NOS1AP: variants seen among roughly 807,000 people sequenced by gnomAD.
The protein encoded by NOS1AP is nitric oxide synthase 1 adaptor protein.
NOS1AP carries 21 observed loss-of-function variants against 56.2 expected under a neutral mutation model. The observed-to-expected ratio is 0.37, with a 90% CI of 0.26 to 0.54. The LOEUF is 0.54. Among genes scored for constraint, NOS1AP ranks in the 20% least tolerant of loss-of-function variants. The probability of loss-of-function intolerance (pLI) is 0.84; values close to 1 mark genes in which losing one functional copy is unlikely to be tolerated. For synonymous variants in NOS1AP, 270 were observed against 274.6 expected (o/e 0.98, Z 0.17); for missense variants, 522 against 657.8 (o/e 0.79, Z 2.26).
At chr1:162,240,073 C>T (rs997122425) in intron 2 of NOS1AP, among the ~76,000 whole-genome samples, 1 of 152,160 alleles carries the variant, frequency 6.6e-6, no homozygotes, top group Non-Finnish European at 1.5e-5. Context: ...CCACCTGCCA[C>T]GCTAGAGACA....
intron 1 of NOS1AP, 145 bp from the exon 2 acceptor site, chr1:162,154,260 G>A (rs549274002): frequency 1.8e-4 from 125 of 686,658 alleles, no homozygotes; most frequent in Non-Finnish European, 2.9e-4. Context: ...GTTAGAAACA[G>A]ACTCAAAACA....
At chr1:162,147,154 C>T (rs1649497396) in intron 1 of NOS1AP, among the ~76,000 whole-genome samples, 2 of 151,912 alleles carry the variant, frequency 1.3e-5, no homozygotes, top group South Asian at 4.2e-4. Context: ...ATGGTGAAAC[C>T]CTGTCTCTAT....
chr1:162,086,343 G>A (rs549233997), intron 1 of NOS1AP, among the ~76,000 whole-genome samples: 1 of 152,214 alleles, frequency 6.6e-6, no homozygotes, highest in African/African-American at 2.4e-5. Flanking sequence ...CGGAGCTAGG[G>A]ATATTAGACA....
chr1:162,209,250 G>C (rs1029560434), intron 2 of NOS1AP, among the ~76,000 whole-genome samples: 1 of 152,204 alleles, frequency 6.6e-6, no homozygotes, highest in Non-Finnish European at 1.5e-5. Context: ...ATGGGCACCA[G>C]TGTAGGGCCC....
In NOS1AP at chr1:162,355,247, A is replaced by C; in HGVS notation, c.656A>C (p.Asp219Ala). Residue 219 changes from aspartate (D) to alanine (A), a missense_variant, in exon 7 of 10, where the codon GAT becomes GCT. By Grantham distance (126) the Asp-to-Ala change is moderately radical (BLOSUM62 -2). This residue lies in a region of NOS1AP where 178 missense variants were observed against 165.0 expected (regional missense o/e 1.08). Coordinates refer to ENST00000361897, the MANE Select transcript of NOS1AP (RefSeq NM_014697.3). Reference sequence around the variant, plus strand: ...GCCACTGCAGAGGAGACTGACATCGATGCGGTGGAGGTCCCACTTCCAGGG... The same window carrying C: ...GCCACTGCAGAGGAGACTGACATCGCTGCGGTGGAGGTCCCACTTCCAGGG... ...STATAEETDIDAVEVPLPGND... is the reference protein window; with the variant it reads ...STATAEETDIAAVEVPLPGND... The C allele has an allele frequency of 6.2e-7, 1 of 1,614,096 alleles. No homozygotes were observed. The highest frequency in any genetic ancestry group is 8.5e-7 in the Non-Finnish European group (1 of 1,180,008).
intron 2 of NOS1AP, among the ~76,000 whole-genome samples, chr1:162,253,264 G>A (rs1653926692): frequency 1.3e-5 from 2 of 152,128 alleles, no homozygotes; most frequent in Non-Finnish European, 2.9e-5. Flanking sequence ...TCAGATGCCA[G>A]CACCTTGATA....
intron 1 of NOS1AP, among the ~76,000 whole-genome samples, chr1:162,072,059 CAGAT>C (rs138572328): frequency 0.062 from 8,728 of 141,626 alleles, 271 homozygotes; most frequent in Middle Eastern, 0.11. Flanking sequence ...GACCCTGTCT[CAGAT>C]AGATAGATAG....
At chr1:162,211,920 G>T (rs1173781882) in intron 2 of NOS1AP, among the ~76,000 whole-genome samples, 1 of 152,158 alleles carries the variant, frequency 6.6e-6, no homozygotes, top group Non-Finnish European at 1.5e-5. Context: ...CCCCACAAAA[G>T]AAGATCATTT....
rs552676242 is a variant in NOS1AP at position 162,331,870 on chromosome 1, T to C, written c.345-1147T>C. On this transcript the variant is annotated intron_variant, in intron 4 of 9. Coordinates refer to ENST00000361897, the MANE Select transcript of NOS1AP (RefSeq NM_014697.3). ...TCCTAAGCCATCTTAAGATGCAGCC[T>C]CTAGGGCCTTGCTTATAATTTTCCC... Among the ~76,000 whole-genome samples, 10 of 152,304 alleles carry C rather than the reference T, an allele frequency of 6.6e-5. No individual in the cohort carries two copies. In the South Asian group the frequency reaches 2.1e-3, roughly 32 times the overall value.
At chr1:162,258,758 A>G (rs1289922129) in intron 2 of NOS1AP, among the ~76,000 whole-genome samples, 1 of 152,188 alleles carries the variant, frequency 6.6e-6, no homozygotes, top group Admixed American at 6.5e-5. Context: ...AAGGAGGGTG[A>G]GAGTGCCCAC....
intron 2 of NOS1AP, among the ~76,000 whole-genome samples, chr1:162,187,344 TACA>T (rs1214827245): frequency 3.9e-5 from 6 of 152,196 alleles, no homozygotes; most frequent in Non-Finnish European, 5.9e-5. Context: ...AATAATCCTT[TACA>T]ACATTGTTTT....
At chr1:162,165,681 C>T (rs539737721) in intron 2 of NOS1AP, among the ~76,000 whole-genome samples, 21 of 152,272 alleles carry the variant, frequency 1.4e-4, no homozygotes, top group African/African-American at 4.3e-4. Context: ...AAGAACATGC[C>T]GACTGTCCCT....
At chr1:162,081,484 C>A (rs1691884280) in intron 1 of NOS1AP, among the ~76,000 whole-genome samples, 1 of 150,998 alleles carries the variant, frequency 6.6e-6, no homozygotes, top group Non-Finnish European at 1.5e-5. Context: ...TGTGCATTTC[C>A]TGTCCAGTGT....
At chr1:162,265,215 G>A (rs929555428) in intron 2 of NOS1AP, among the ~76,000 whole-genome samples, 1 of 140,672 alleles carries the variant, frequency 7.1e-6, no homozygotes, top group African/African-American at 2.9e-5. Flanking sequence ...CCTATTAAAG[G>A]GTCGTTTTCT....
At chr1:162,176,393 C>T (rs1483053295) in intron 2 of NOS1AP, among the ~76,000 whole-genome samples, 1 of 151,676 alleles carries the variant, frequency 6.6e-6, no homozygotes, top group African/African-American at 2.4e-5. Flanking sequence ...TTTGCTTTTT[C>T]TAGAATGCCA....
At chr1:162,261,922 G>C (rs919619369) in intron 2 of NOS1AP, among the ~76,000 whole-genome samples, 6 of 152,176 alleles carry the variant, frequency 3.9e-5, no homozygotes, top group Non-Finnish European at 5.9e-5. Flanking sequence ...TAGGAATTCA[G>C]AGGAAAGACA....
chr1:162,300,750 GTCC>G (rs1207675302), intron 4 of NOS1AP, 44 bp downstream of exon 4: 1 of 1,563,092 alleles, frequency 6.4e-7, no homozygotes, highest in East Asian at 2.2e-5. Context: ...GAGCCCCAGA[GTCC>G]TCCTGCCCCC....
intron 4 of NOS1AP, among the ~76,000 whole-genome samples, chr1:162,321,537 G>A (rs1326982265): frequency 6.6e-6 from 1 of 151,968 alleles, no homozygotes; most frequent in Non-Finnish European, 1.5e-5. Flanking sequence ...CTTGGACACA[G>A]GGTGGGGGAC....
At chr1:162,144,304 G>A (rs1456843453) in intron 1 of NOS1AP, among the ~76,000 whole-genome samples, 2 of 152,186 alleles carry the variant, frequency 1.3e-5, no homozygotes, top group East Asian at 1.9e-4. Flanking sequence ...AGGGTAGGGA[G>A]TCCTACACTG....
Sources: gnomAD v4.1 joint callset for allele counts (sites outside exome capture counted in the v4.1 genomes callset) on GRCh38, gnomAD v4.1.1 for gene constraint, gnomAD v4.1.1 regional missense constraint, MANE v1.5 for transcripts, NCBI Gene and HGNC (gene_info 2026-07-23, HGNC 2026-07-21) for gene names.